ZC3H14: variants seen among roughly 807,000 people sequenced by gnomAD.
The protein encoded by ZC3H14 is zinc finger CCCH-type containing 14, also known as zinc finger CCCH domain-containing protein 14.
Under a neutral mutation model 92.4 loss-of-function variants are expected in ZC3H14, and 31 were observed. The ratio of observed to expected loss-of-function variants is 0.34; its 90% CI spans 0.25 to 0.45. The LOEUF (loss-of-function observed/expected upper bound fraction) is 0.45, where lower values mean the gene tolerates loss of function less well. Ranked by LOEUF, ZC3H14 falls within the 20% of genes least tolerant of loss-of-function variation. The pLI is 1.00. For missense variants in ZC3H14, 781 were observed against 897.3 expected (o/e 0.87, Z 1.66); for synonymous variants, 321 against 300.9 (o/e 1.07, Z -0.69).
chr14:88,563,236 G>C lies in ZC3H14; in HGVS notation c.36+67G>C. The C allele has an allele frequency of 1.2e-5, 19 of 1,563,000 alleles. No individual in the cohort carries two copies. The South Asian group carries it at 2.1e-4, about 17-fold the overall frequency. ...CGAGCGGGCGGTTGTCAGGAGTAAC[G>C]GGGACTGTGGGCCCGGGTGGACGCC... On this transcript the variant is annotated intron_variant, in intron 1 of 16. Transcript: ENST00000251038.
At chr14:88,576,060 T>C in intron 8 of ZC3H14, 120 bp downstream of exon 8, 1 of 872,002 alleles carries the variant, frequency 1.1e-6, no homozygotes, top group Non-Finnish European at 1.8e-6. Context: ...AAGACCAAGA[T>C]GAGGTTCCCA....
At chr14:88,608,376 G>C (rs540921246) in intron 13 of ZC3H14, 1 of 437,176 alleles carries the variant, frequency 2.3e-6, no homozygotes, top group East Asian at 6.0e-5. Flanking sequence ...GTCATAGCCA[G>C]CTGATTTTGG....
Position 88,572,069 on chromosome 14 carries a change from A to T in ZC3H14, c.275A>T (p.Asp92Val), listed in dbSNP as rs778019078. 3.7e-6 allele frequency: 6 copies of T among 1,614,040 alleles called. No individual in the cohort carries two copies. In the African/African-American group the frequency reaches 8.0e-5, roughly 22 times the overall value. ...SLKSSDTNIFDSNVPSNKSNF... is the reference protein window; with the variant it reads ...SLKSSDTNIFVSNVPSNKSNF... ...AAGTCTTCTGATACCAACATCTTTG[A>T]TAGTAACGTGCCTTCAAACAAGAGC... Residue 92 changes from aspartate to valine, a missense_variant, in exon 5 of 17, where the codon GAT (aspartate) becomes GTT (valine). Asp to Val is a radical substitution (Grantham distance 152). Transcript: ENST00000251038.
At chr14:88,566,028 GCCC>G (rs1161358992) in intron 2 of ZC3H14, among the ~76,000 whole-genome samples, 69 of 2,716 alleles carry the variant, frequency 0.025, 23 homozygotes, top group Admixed American at 0.057. Flanking sequence ...CCACCACCCC[GCCC>G]CCCCCCCCCG....
intron 1 of ZC3H14, 74 bp from the exon 2 acceptor site, chr14:88,563,577 C>T (rs962583233): frequency 6.3e-7 from 1 of 1,595,842 alleles, no homozygotes; most frequent in African/African-American, 1.3e-5. Context: ...AAAGTGGCCT[C>T]AGCCGCTGCA....
chr14:88,575,052 T>G (rs188862825), intron 7 of ZC3H14, among the ~76,000 whole-genome samples, 199 bp downstream of exon 7: 68 of 152,320 alleles, frequency 4.5e-4, no homozygotes, highest in Non-Finnish European at 3.5e-4. Flanking sequence ...TTCTCCTGAT[T>G]GAGCCTCCTG....
intron 9 of ZC3H14, among the ~76,000 whole-genome samples, chr14:88,580,638 T>C (rs747694840): frequency 2.0e-5 from 3 of 152,116 alleles, no homozygotes; most frequent in Non-Finnish European, 4.4e-5. Context: ...AAAGAAACAA[T>C]ATTCAGAGGA....
intron 9 of ZC3H14, among the ~76,000 whole-genome samples, chr14:88,580,000 C>G (rs537833887): frequency 6.6e-6 from 1 of 152,288 alleles, no homozygotes; most frequent in African/African-American, 2.4e-5. Context: ...TCACTTGAGA[C>G]TAGCCTGGGC....
At chr14:88,585,484 C>G (rs749924724) in intron 9 of ZC3H14, among the ~76,000 whole-genome samples, 3 of 151,142 alleles carry the variant, frequency 2.0e-5, no homozygotes, top group African/African-American at 7.3e-5. Flanking sequence ...TCAAGTGATT[C>G]TCCTGCCTCA....
In ZC3H14 at chr14:88,623,017, C is replaced by CTTT. The variant is rs33958046; in HGVS notation, c.*11280_*11282dup. 196 of 150,564 alleles carry CTTT rather than the reference C, an allele frequency of 1.3e-3. 1 individual carries two copies. In the East Asian group the frequency reaches 0.014, roughly 11 times the overall value. 9.3% of individuals were successfully genotyped at this position (150,564 alleles called of 1,614,324 possible). On this transcript the variant is annotated 3_prime_UTR_variant, in exon 17 of 17. Coordinates refer to ENST00000251038, the MANE Select transcript of ZC3H14 (RefSeq NM_024824.5). ...CAATACATTATCCTCTCTCATAATA[C>CTTT]TTTTTTTTTTTTTTTTAAGATGTAG... is the stretch of plus-strand genomic sequence containing the variant.
At position 88,599,382 on chromosome 14, in the gene ZC3H14, C is replaced by T. The variant is rs370034859; in HGVS notation, c.1355-2542C>T. ...TATGCTTTCAAAACAAAAACAAAAC[C>T]CTTATTGACATTTCTGTGGGCTTTC... On this transcript the variant is annotated intron_variant, in intron 10 of 16. Transcript: ENST00000251038. Among the ~76,000 whole-genome samples, 33 of 152,186 alleles carry T rather than the reference C, an allele frequency of 2.2e-4. No individual in the cohort carries two copies. The East Asian group carries it at 2.7e-3, about 12-fold the overall frequency.
Position 88,563,451 on chromosome 14 carries a change from G to T in ZC3H14, c.37-200G>T, listed in dbSNP as rs536482091. On this transcript the variant is annotated intron_variant, in intron 1 of 16. Transcript: ENST00000251038. ...CACGGCGCCGCTTTGGATCCGCTGC[G>T]GGAGGTGGGCGCCGCGGGGCTGGGG... 5.6e-5 allele frequency: 81 copies of T among 1,441,126 alleles called. No individual in the cohort carries two copies. In the South Asian group the frequency reaches 1.1e-3, roughly 20 times the overall value. 89.3% of individuals were successfully genotyped at this position (1,441,126 alleles called of 1,614,324 possible). A position where few individuals can be genotyped will look rare whatever the true frequency, so the allele number is the denominator to read the frequency against.
At chr14:88,573,062 C>A in intron 6 of ZC3H14, 55 bp downstream of exon 6, 1 of 1,576,018 alleles carries the variant, frequency 6.3e-7, no homozygotes, top group Non-Finnish European at 8.7e-7. Context: ...GTTCTTGATA[C>A]CAAATAATAT....
chr14:88,622,429 C>A lies in ZC3H14; in HGVS notation c.*10678C>A. The A allele has an allele frequency of 4.2e-6, 2 of 471,850 alleles. No individual in the cohort carries two copies. The highest frequency in any genetic ancestry group is 3.7e-4 in the Middle Eastern group (1 of 2,674). The allele number at this position is 471,850 out of a possible 1,614,324, so 29.2% of individuals were successfully genotyped here. On this transcript the variant is annotated 3_prime_UTR_variant, in exon 17 of 17. Transcript: ENST00000251038. ...ACAGAATAGCTTCCTAGCTTATGCA[C>A]CACACTGGTGCTAACTTTGGCAAAG...
chr14:88,594,771 T>C (rs1346695054), intron 9 of ZC3H14: 1 of 1,614,084 alleles, frequency 6.2e-7, no homozygotes, highest in South Asian at 1.1e-5. Context: ...TACCAATTTT[T>C]CTTCCACCGG....
rs1048581870 is a variant in ZC3H14 at position 88,599,996 on chromosome 14, A to C, written c.1355-1928A>C. Among the ~76,000 whole-genome samples, 5 of 152,148 alleles carry C rather than the reference A, an allele frequency of 3.3e-5. No homozygotes were observed. In the East Asian group the frequency reaches 9.6e-4, roughly 29 times the overall value. On this transcript the variant is annotated intron_variant, in intron 10 of 16. Coordinates refer to ENST00000251038, the MANE Select transcript of ZC3H14 (RefSeq NM_024824.5). ...CCTGAATATGTTAAACACTTCTGTC[A>C]CCTTCGGTTTTGACTCAGCATCTTA...
At position 88,618,351 on chromosome 14, in the gene ZC3H14, T is replaced by C; in HGVS notation, c.*6600T>C. ...AGAGACCTTTTTCATCAGATTAAAA[T>C]GGGACAAGAATTCCATTAGGTGAGA... On this transcript the variant is annotated 3_prime_UTR_variant, in exon 17 of 17. Transcript: ENST00000251038. The C allele has an allele frequency of 6.2e-7, 1 of 1,605,612 alleles. No homozygotes were observed.
chr14:88,576,733 C>A (rs774876895), intron 8 of ZC3H14, among the ~76,000 whole-genome samples: 5 of 152,116 alleles, frequency 3.3e-5, no homozygotes, highest in Non-Finnish European at 7.4e-5. Flanking sequence ...TCCACTCTCT[C>A]GCTTTTTTTT....
In ZC3H14 at chr14:88,572,893, G is replaced by T. The variant is rs754636328; in HGVS notation, c.747G>T (p.Met249Ile). The T allele has an allele frequency of 1.9e-6, 3 of 1,614,188 alleles. No individual in the cohort carries two copies. Among genetic ancestry groups the T allele is most frequent in the Non-Finnish European group, 2.5e-6 (3 of 1,180,042 alleles). Residue 249 changes from methionine (M) to isoleucine (I), a missense_variant, in exon 6 of 17, where the codon ATG becomes ATT. This residue lies in a region of ZC3H14 where 454 missense variants were observed against 438.5 expected (regional missense o/e 1.04). Coordinates refer to ENST00000251038, the MANE Select transcript of ZC3H14 (RefSeq NM_024824.5). ...TTCATGCTGCCAAGCAGCTTGATAT[G>T]CAGAGTAGTTGGGTATATGAAACAG... ...NSIHAAKQLD[M>I]QSSWVYETGR...
Sources: allele counts gnomAD v4.1 joint callset (sites outside exome capture counted in the v4.1 genomes callset), GRCh38; gene constraint gnomAD v4.1.1; regional missense constraint gnomAD v4.1.1; transcripts MANE v1.5; gene names NCBI Gene and HGNC (gene_info 2026-07-23, HGNC 2026-07-21).